Variants in NKAIN2 observed in about 807,000 individuals in gnomAD.
NKAIN2 encodes sodium/potassium-transporting ATPase subunit beta-1-interacting protein 2.
NKAIN2 carries 14 observed loss-of-function variants against 32.6 expected under a neutral mutation model. That is an observed-to-expected ratio of 0.43 (90% confidence interval 0.28 to 0.67). NKAIN2 has a LOEUF of 0.67. NKAIN2 is among the 30% of genes least tolerant of loss of function. NKAIN2 has a pLI of 0.17. For synonymous variants in NKAIN2, 80 were observed against 87.2 expected, an observed-to-expected ratio of 0.92 and a Z score of 0.46; for missense variants, 198 against 258.3, an observed-to-expected ratio of 0.77 and a Z score of 1.60.
At chr6:124,396,428 T>TTAA (rs1554200386) in intron 3 of NKAIN2, among the ~76,000 whole-genome samples, 1 of 129,548 alleles carries the variant, frequency 7.7e-6, no homozygotes, top group African/African-American at 2.8e-5. Flanking sequence ...GCTATTTGAT[T>TTAA]AAAAAAAAAA....
At chr6:124,161,709 C>A (rs1384169840) in intron 1 of NKAIN2, among the ~76,000 whole-genome samples, 1 of 151,884 alleles carries the variant, frequency 6.6e-6, no homozygotes, top group Non-Finnish European at 1.5e-5. Flanking sequence ...TATTTGATAC[C>A]ACATGTTCTC....
chr6:124,804,395 C>A, intron 5 of NKAIN2: 1 of 459,108 alleles, frequency 2.2e-6, no homozygotes, highest in Non-Finnish European at 2.9e-6. Context: ...AGTGATTTTT[C>A]AGCTAACGAT....
In NKAIN2 at chr6:124,689,517, G is replaced by A. The variant is rs575827627; in HGVS notation, c.474+31131G>A. 9.9e-4 allele frequency among the ~76,000 whole-genome samples: 150 copies of A among 152,162 alleles called. 2 individuals are homozygous for A. Among genetic ancestry groups the A allele is most frequent in the Non-Finnish European group, 3.4e-4 (23 of 67,974 alleles). On this transcript the variant is annotated intron_variant, in intron 4 of 6. Coordinates refer to ENST00000368417, the MANE Select transcript of NKAIN2 (RefSeq NM_001040214.3). ...ATAGATTGTGCAAAGACAGTGTCAT[G>A]TCTAAAAAGTCATCACCAAACCAAT... is the stretch of plus-strand genomic sequence containing the variant.
chr6:124,500,751 T>C (rs1300584263), intron 3 of NKAIN2, among the ~76,000 whole-genome samples: 1 of 152,100 alleles, frequency 6.6e-6, no homozygotes, highest in Non-Finnish European at 1.5e-5. Flanking sequence ...CAACAATGTA[T>C]AGTCACGTGC....
At chr6:124,639,871 A>C (rs1783920073) in intron 3 of NKAIN2, among the ~76,000 whole-genome samples, 1 of 152,072 alleles carries the variant, frequency 6.6e-6, no homozygotes, top group Non-Finnish European at 1.5e-5. Flanking sequence ...TAATGAATTA[A>C]AATTTACAGC....
At chr6:123,963,529 C>T (rs1417607284) in intron 1 of NKAIN2, among the ~76,000 whole-genome samples, 1 of 152,020 alleles carries the variant, frequency 6.6e-6, no homozygotes, top group Non-Finnish European at 1.5e-5. Context: ...TAACATCTCT[C>T]AATTATAAAA....
intron 3 of NKAIN2, among the ~76,000 whole-genome samples, chr6:124,412,020 T>G (rs62436311): frequency 0.045 from 6,794 of 152,316 alleles, 252 homozygotes; most frequent in Non-Finnish European, 0.065. Context: ...GTGCCGTGGT[T>G]TTCAGCTCCA....
intron 3 of NKAIN2, among the ~76,000 whole-genome samples, chr6:124,454,898 A>G (rs1265756578): frequency 6.6e-6 from 1 of 152,030 alleles, no homozygotes; most frequent in African/African-American, 2.4e-5. Flanking sequence ...GCATTTAAGA[A>G]TCTCTATAAA....
chr6:124,002,911 C>G (rs1779935513), intron 1 of NKAIN2, among the ~76,000 whole-genome samples: 1 of 152,128 alleles, frequency 6.6e-6, no homozygotes, highest in Admixed American at 6.6e-5. Context: ...TGCTGGCATG[C>G]TGAACCAACT....
At chr6:123,840,885 A>G (rs1774840391) in intron 1 of NKAIN2, among the ~76,000 whole-genome samples, 1 of 152,168 alleles carries the variant, frequency 6.6e-6, no homozygotes, top group Non-Finnish European at 1.5e-5. Flanking sequence ...AACTTTTCAA[A>G]GTGTAGTCTA....
chr6:124,091,110 T>G (rs1784398525), intron 1 of NKAIN2, among the ~76,000 whole-genome samples: 1 of 151,886 alleles, frequency 6.6e-6, no homozygotes. Flanking sequence ...AAACTCAAAG[T>G]AAAAAGGCTA....
intron 2 of NKAIN2, among the ~76,000 whole-genome samples, chr6:124,293,439 G>T (rs1444787674): frequency 6.6e-6 from 1 of 151,896 alleles, no homozygotes; most frequent in Non-Finnish European, 1.5e-5. Context: ...GCGGCCTTAA[G>T]AAAATAAATT....
At chr6:124,265,224 T>C (rs1794438523) in intron 1 of NKAIN2, among the ~76,000 whole-genome samples, 1 of 152,164 alleles carries the variant, frequency 6.6e-6, no homozygotes, top group Non-Finnish European at 1.5e-5. Flanking sequence ...AGTTAAACTT[T>C]ACATCATGTC....
intron 1 of NKAIN2, among the ~76,000 whole-genome samples, chr6:124,190,782 C>A (rs1455083581): frequency 6.6e-6 from 1 of 152,082 alleles, no homozygotes; most frequent in Non-Finnish European, 1.5e-5. Flanking sequence ...TTCTGTCACC[C>A]CCTACCATGC....
chr6:124,250,255 C>A (rs1461541580), intron 1 of NKAIN2, among the ~76,000 whole-genome samples: 1 of 152,086 alleles, frequency 6.6e-6, no homozygotes, highest in Non-Finnish European at 1.5e-5. Flanking sequence ...AAATACATTT[C>A]TGTTCTTTGT....
intron 4 of NKAIN2, among the ~76,000 whole-genome samples, chr6:124,715,012 C>T (rs1314492909): frequency 6.6e-6 from 1 of 152,132 alleles, no homozygotes; most frequent in Non-Finnish European, 1.5e-5. Context: ...GCTGAGCACC[C>T]GGGTCACAGA....
At chr6:123,898,519 A>G (rs971356867) in intron 1 of NKAIN2, among the ~76,000 whole-genome samples, 1 of 151,208 alleles carries the variant, frequency 6.6e-6, no homozygotes, top group East Asian at 1.9e-4. Context: ...TGGGTGCAAA[A>G]TGTCCAGATA....
chr6:123,958,638 A>G (rs1241478735), intron 1 of NKAIN2, among the ~76,000 whole-genome samples: 1 of 152,238 alleles, frequency 6.6e-6, no homozygotes, highest in Non-Finnish European at 1.5e-5. Flanking sequence ...ATTAAATTTC[A>G]ACATATGAAT....
chr6:124,773,707 C>T (rs975789132), intron 4 of NKAIN2, among the ~76,000 whole-genome samples: 2 of 152,098 alleles, frequency 1.3e-5, no homozygotes, highest in African/African-American at 4.8e-5. Flanking sequence ...ACTTCAGAAA[C>T]ACAATAAAAG....
Sources: allele counts gnomAD v4.1 joint callset (sites outside exome capture counted in the v4.1 genomes callset), GRCh38; gene constraint gnomAD v4.1.1; transcripts MANE v1.5; gene names NCBI Gene and HGNC (gene_info 2026-07-23, HGNC 2026-07-21).